Variants in SH3TC2 observed in about 807,000 individuals in gnomAD.
The protein encoded by SH3TC2 is SH3 domain and tetratricopeptide repeat-containing protein 2.
SH3TC2 carries 87 observed loss-of-function variants against 124.5 expected under a neutral mutation model. The ratio of observed to expected loss-of-function variants is 0.70; its 90% CI spans 0.59 to 0.84. The LOEUF (loss-of-function observed/expected upper bound fraction) is 0.84. Ranked by LOEUF, SH3TC2 falls within the 40% of genes least tolerant of loss-of-function variation. The probability of loss-of-function intolerance (pLI) is 0.00; values close to 1 mark genes in which losing one functional copy is unlikely to be tolerated. For missense variants in SH3TC2, 1,536 were observed against 1,566.4 expected, an observed-to-expected ratio of 0.98 and a Z score of 0.33; for synonymous variants, 634 against 628.5, an observed-to-expected ratio of 1.01 and a Z score of -0.13.
chr5:149,031,458 G>C, intron 9 of SH3TC2, 96 bp downstream of exon 9: 3 of 1,536,216 alleles, frequency 2.0e-6, no homozygotes, highest in Non-Finnish European at 2.7e-6. Context: ...TTCATGAATA[G>C]GATTAGAATT....
At position 149,041,605 on chromosome 5, in the gene SH3TC2, C is replaced by A. The variant is rs761372346; in HGVS notation, c.542G>T (p.Cys181Phe). 10 of 1,614,108 alleles carry A rather than the reference C, an allele frequency of 6.2e-6. No individual in the cohort carries two copies. In the African/African-American group the frequency reaches 1.2e-4, roughly 19 times the overall value. The change falls in exon 6 of 17, where the codon TGC becomes TTC. Residue 181 changes from cysteine (C) to phenylalanine (F), a missense_variant. This residue lies in a region of SH3TC2 where 1,102 missense variants were observed against 1,098.6 expected (regional missense o/e 1.00). Transcript: ENST00000515425. ...TGGAGTCACGGAGCACAGGGCTCTGCAGAAGAAGTGGCCTGTGGATAATGA... is the reference window on the plus strand; with the variant it reads ...TGGAGTCACGGAGCACAGGGCTCTGAAGAAGAAGTGGCCTGTGGATAATGA... ...GLLIQEGHFF[C>F]RALCSVTPPA...
chr5:149,049,887 T>C (rs1754527892), intron 2 of SH3TC2, among the ~76,000 whole-genome samples: 1 of 152,196 alleles, frequency 6.6e-6, no homozygotes, highest in East Asian at 1.9e-4. Flanking sequence ...GCATTAGCTG[T>C]TCCCCTCCTC....
chr5:149,021,884 C>CAAGAAATTGAAGAGGAAGAAATA (rs1355286432), intron 12 of SH3TC2, among the ~76,000 whole-genome samples: 1 of 32,860 alleles, frequency 3.0e-5, no homozygotes, highest in African/African-American at 1.4e-4. Flanking sequence ...CAAACTCTTT[C>CAAGAAATTGAAGAGGAAGAAATA]TTTTTTTTTT....
Position 149,041,264 on chromosome 5 carries a change from A to G in SH3TC2, c.731+152T>C, listed in dbSNP as rs182488054. ...TGTTAAAATTCTTGGTTGTTAAAAA[A>G]GAAAAGAAAAAGACAGAAAGATAAA... On this transcript the variant is annotated intron_variant, in intron 6 of 16. Transcript: ENST00000515425. 97 of 802,788 alleles carry G rather than the reference A, an allele frequency of 1.2e-4. 1 individual carries two copies. In the South Asian group the frequency reaches 1.5e-3, roughly 13 times the overall value. 49.7% of individuals were successfully genotyped at this position (802,788 alleles called of 1,614,324 possible).
At chr5:149,046,306 C>A (rs2127401899) in intron 3 of SH3TC2, 1 of 152,960 alleles carries the variant, frequency 6.5e-6, no homozygotes, top group East Asian at 1.9e-4. Flanking sequence ...GCACTTCACC[C>A]AGAGCTTTAT....
chr5:149,047,985 C>T lies in SH3TC2; in HGVS notation c.156G>A (p.Leu52=). Residue 52 remains leucine (L), a synonymous_variant, in exon 3 of 17, where the codon CTG becomes CTA. Coordinates refer to ENST00000515425, the MANE Select transcript of SH3TC2 (RefSeq NM_024577.4). ...GGCTCTTTACACAGAAGGAGAGTGTCAGGTCTTAAAGAGAACAGAGAGAGA... is the reference window on the plus strand; with the variant it reads ...GGCTCTTTACACAGAAGGAGAGTGTTAGGTCTTAAAGAGAACAGAGAGAGA... ...CFLPQNINPD[L]TLSFCVKSRS... The T allele has an allele frequency of 6.2e-7, 1 of 1,613,970 alleles. No homozygotes were observed. Among genetic ancestry groups the T allele is most frequent in the Non-Finnish European group, 8.5e-7 (1 of 1,179,940 alleles).
In SH3TC2 at chr5:149,000,049, C is replaced by T. The variant is rs1250666398; in HGVS notation, c.*4662G>A. Among the ~76,000 whole-genome samples the T allele has an allele frequency of 2.0e-5, 3 of 152,190 alleles. No individual in the cohort carries two copies. The highest frequency in any genetic ancestry group is 6.5e-5 in the Admixed American group (1 of 15,276). ...CTTTCAGAACTCAGTTTGGATATCA[C>T]GTCCTCCAGAAAGCCCTTCCTGATG... is the stretch of plus-strand genomic sequence containing the variant. On this transcript the variant is annotated 3_prime_UTR_variant, in exon 17 of 17. Coordinates refer to ENST00000515425, the MANE Select transcript of SH3TC2 (RefSeq NM_024577.4).
chr5:149,047,319 T>A (rs1047805343), intron 3 of SH3TC2: 3 of 159,658 alleles, frequency 1.9e-5, no homozygotes, highest in African/African-American at 7.2e-5. Context: ...TACTTAGCGG[T>A]TACCAGGAGC....
In SH3TC2 at chr5:149,047,902, G is replaced by T. The variant is rs767933228; in HGVS notation, c.239C>A (p.Ala80Glu). Reference sequence around the variant, plus strand: ...CACCTCCTGGTCCTCATTCTCCAGTGCCCAGAGCCGCCTCCGAGCAGCTTC... The same window carrying T: ...CACCTCCTGGTCCTCATTCTCCAGTTCCCAGAGCCGCCTCCGAGCAGCTTC... Reference protein sequence around the residue: ...LQEAARRRLWALENEDQEVRM... With the variant: ...LQEAARRRLWELENEDQEVRM... The change falls in exon 3 of 17, where the codon GCA (alanine) becomes GAA (glutamate). Residue 80 changes from alanine to glutamate, a missense_variant. By Grantham distance (107) the Ala-to-Glu change is moderately radical. Around this residue, in one of 3 missense-constraint regions of SH3TC2, gnomAD observed 1,102 missense variants for 1,098.6 expected, o/e 1.00. Coordinates refer to ENST00000515425, the MANE Select transcript of SH3TC2 (RefSeq NM_024577.4). 2 of 1,614,106 alleles carry T rather than the reference G, an allele frequency of 1.2e-6. No individual in the cohort carries two copies. Among genetic ancestry groups the T allele is most frequent in the Non-Finnish European group, 1.7e-6 (2 of 1,180,012 alleles).
Position 148,989,849 on chromosome 5 carries a change from A to T in SH3TC2, c.*14862T>A, listed in dbSNP as rs1482937876. On this transcript the variant is annotated 3_prime_UTR_variant, in exon 17 of 17. Transcript: ENST00000515425. ...AGAAGAACTATATAGCAACCAGGAC[A>T]TTTGGGAAATGTCCCTATGAATCAA... Among the ~76,000 whole-genome samples the T allele has an allele frequency of 6.6e-6, 1 of 152,172 alleles. No homozygotes were observed. Among genetic ancestry groups the T allele is most frequent in the East Asian group, 1.9e-4 (1 of 5,190 alleles).
chr5:149,010,592 G>A (rs1276926723), intron 13 of SH3TC2, among the ~76,000 whole-genome samples, 200 bp from the exon 14 acceptor site: 1 of 152,142 alleles, frequency 6.6e-6, no homozygotes, highest in Non-Finnish European at 1.5e-5. Context: ...ATCCTGTTAT[G>A]AGAGATTGCT....
At position 149,027,194 on chromosome 5, in the gene SH3TC2, G is replaced by C; in HGVS notation, c.2538C>G (p.Leu846=). The change falls in exon 11 of 17, where the codon CTC becomes CTG. Residue 846 remains leucine (L), a synonymous_variant. Transcript: ENST00000515425. ...CCCTGTTCACCCGGCCTTCACCTTG[G>C]AGTGCAAGTCCCAGGAGGTTATAGA... ...GVIYNLLGLA[L]QGEGRVNRAA... is the part of the protein sequence containing the mutation. The C allele has an allele frequency of 1.9e-6, 3 of 1,614,212 alleles. No individual in the cohort carries two copies. The highest frequency in any genetic ancestry group is 2.5e-6 in the Non-Finnish European group (3 of 1,180,044).
At chr5:149,039,041 T>C (rs754033298) in intron 7 of SH3TC2, among the ~76,000 whole-genome samples, 1 of 152,246 alleles carries the variant, frequency 6.6e-6, no homozygotes, top group Non-Finnish European at 1.5e-5. Context: ...AGAGATACAG[T>C]GCACAATGCC....
chr5:149,060,386 G>C (rs919911861), intron 1 of SH3TC2, among the ~76,000 whole-genome samples: 1 of 152,184 alleles, frequency 6.6e-6, no homozygotes, highest in Non-Finnish European at 1.5e-5. Context: ...CCCCTGATTA[G>C]GGGAGTTCTG....
rs1050917256 is a variant in SH3TC2, at chr5:148,996,014, G to C, written c.*8697C>G. Among the ~76,000 whole-genome samples, 21 of 152,014 alleles carry C rather than the reference G, an allele frequency of 1.4e-4. No homozygotes were observed. Among genetic ancestry groups the C allele is most frequent in the African/African-American group, 4.8e-4 (20 of 41,382 alleles). On this transcript the variant is annotated 3_prime_UTR_variant, in exon 17 of 17. Transcript: ENST00000515425. The stretch of plus-strand genomic sequence containing the variant: ...CCCAGCACTTTGGAAGGCTGAGGTG[G>C]GTGGATGATTTGAGCCCAGGAGTTT...
At position 149,004,217 on chromosome 5, in the gene SH3TC2, G is replaced by C. The variant is rs970886309; in HGVS notation, c.*494C>G. On this transcript the variant is annotated 3_prime_UTR_variant, in exon 17 of 17. Coordinates refer to ENST00000515425, the MANE Select transcript of SH3TC2 (RefSeq NM_024577.4). ...TCCTGTCAATCCCTGTGAGCATGAG[G>C]AGTGATACATACTTTGGTTCTGAAG... 5.4e-6 allele frequency: 1 copy of C among 186,214 alleles called. No homozygotes were observed. The highest frequency in any genetic ancestry group is 2.4e-5 in the African/African-American group (1 of 41,970). The allele number at this position is 186,214 out of a possible 1,614,324, so 11.5% of individuals were successfully genotyped here.
At chr5:149,026,828 T>C (rs1446114143) in intron 11 of SH3TC2, 32 bp downstream of exon 11, 3 of 1,614,094 alleles carry the variant, frequency 1.9e-6, no homozygotes, top group African/African-American at 1.3e-5. Context: ...CACTTTTCTC[T>C]ATAGCTTCCC....
At chr5:149,035,162 C>G (rs182154421) in intron 8 of SH3TC2, among the ~76,000 whole-genome samples, 4 of 152,114 alleles carry the variant, frequency 2.6e-5, no homozygotes, top group Non-Finnish European at 5.9e-5. Context: ...AAAATAGATT[C>G]CACAAGAAAT....
intron 15 of SH3TC2, 126 bp downstream of exon 15, chr5:149,008,725 G>T: frequency 7.4e-7 from 1 of 1,348,782 alleles, no homozygotes; most frequent in Non-Finnish European, 1.1e-6. Flanking sequence ...AGGTCTCTCT[G>T]ACAGTTGGAC....
Sources: gnomAD v4.1 joint callset for allele counts (sites outside exome capture counted in the v4.1 genomes callset) on GRCh38, gnomAD v4.1.1 for gene constraint, gnomAD v4.1.1 regional missense constraint, MANE v1.5 for transcripts, NCBI Gene and HGNC (gene_info 2026-07-23, HGNC 2026-07-21) for gene names.